The following ADAMTS17 variants were observed in gnomAD, a reference collection of about 807,000 sequenced individuals.
The protein encoded by ADAMTS17 is A disintegrin and metalloproteinase with thrombospondin motifs 17.
ADAMTS17 carries 113 observed loss-of-function variants against 141.5 expected under a neutral mutation model. The ratio of observed to expected loss-of-function variants is 0.80; its 90% CI spans 0.69 to 0.93. The LOEUF is 0.93. Among genes scored for constraint, ADAMTS17 ranks in the 40% least tolerant of loss-of-function variants. The pLI is 0.00. For missense variants in ADAMTS17, 1,659 were observed against 1,517.9 expected (o/e 1.09, Z -1.54); for synonymous variants, 768 against 630.6 (o/e 1.22, Z -3.27).
intron 7 of ADAMTS17, among the ~76,000 whole-genome samples, chr15:100,203,888 ACT>A (rs1418414671): frequency 1.3e-5 from 2 of 149,984 alleles, no homozygotes; most frequent in African/African-American, 2.5e-5. Flanking sequence ...ACAGACCAAG[ACT>A]CTGTCTCAAA....
chr15:100,001,832 G>A (rs894131320), intron 18 of ADAMTS17, among the ~76,000 whole-genome samples: 1 of 151,498 alleles, frequency 6.6e-6, no homozygotes, highest in South Asian at 2.1e-4. Context: ...AGCCCCCCGT[G>A]GTGGTGTGCA....
intron 3 of ADAMTS17, among the ~76,000 whole-genome samples, chr15:100,327,106 G>A (rs766046903): frequency 2.0e-5 from 3 of 152,066 alleles, no homozygotes; most frequent in Admixed American, 1.3e-4. Flanking sequence ...GAGCAGTAGG[G>A]TATAAATAAC....
At chr15:100,291,082 G>A (rs955030195) in intron 3 of ADAMTS17, among the ~76,000 whole-genome samples, 2 of 152,128 alleles carry the variant, frequency 1.3e-5, no homozygotes, top group Non-Finnish European at 2.9e-5. Context: ...CAGACTGAGA[G>A]GAAATATTTG....
chr15:100,298,802 G>A (rs936964246), intron 3 of ADAMTS17, among the ~76,000 whole-genome samples: 1 of 152,178 alleles, frequency 6.6e-6, no homozygotes, highest in African/African-American at 2.4e-5. Context: ...GGTTAATTTT[G>A]CATCACCCTT....
At chr15:100,103,672 G>C (rs759072900) in intron 14 of ADAMTS17, among the ~76,000 whole-genome samples, 13 of 151,956 alleles carry the variant, frequency 8.6e-5, no homozygotes, top group African/African-American at 3.1e-4. Flanking sequence ...TCCACTGCCC[G>C]GGTTCAAGCA....
chr15:99,974,021 T>G lies in ADAMTS17; in HGVS notation c.*381A>C, dbSNP rs2060267200. On this transcript the variant is annotated 3_prime_UTR_variant, in exon 22 of 22. Coordinates refer to ENST00000268070, the MANE Select transcript of ADAMTS17 (RefSeq NM_139057.4). ...AAGCCTTTTCTAGCATGTCTCGTTT[T>G]GGGGATGTTTCCTCCATGATATACC... is the stretch of plus-strand genomic sequence containing the variant. The G allele has an allele frequency of 4.0e-6, 1 of 251,890 alleles. No homozygotes were observed. Among genetic ancestry groups the G allele is most frequent in the Admixed American group, 5.8e-5 (1 of 17,110 alleles). The allele number at this position is 251,890 out of a possible 1,614,324, so 15.6% of individuals were successfully genotyped here.
chr15:99,976,486 C>T (rs1300961853), intron 20 of ADAMTS17: 7 of 594,252 alleles, frequency 1.2e-5, no homozygotes, highest in East Asian at 2.8e-5. Context: ...CAGGCACTTG[C>T]AATCATTCAG....
intron 3 of ADAMTS17, among the ~76,000 whole-genome samples, chr15:100,327,131 C>T (rs1360947352): frequency 1.3e-5 from 2 of 152,180 alleles, no homozygotes; most frequent in Non-Finnish European, 2.9e-5. Flanking sequence ...ACAAGCTTAG[C>T]GTTCCAATAA....
intron 18 of ADAMTS17, among the ~76,000 whole-genome samples, chr15:100,012,926 A>C (rs2061216887): frequency 6.6e-6 from 1 of 152,134 alleles, no homozygotes; most frequent in South Asian, 2.1e-4. Flanking sequence ...GTGAAGAATG[A>C]TAGCAGTATT....
At chr15:100,005,433 G>A (rs934254937) in intron 18 of ADAMTS17, among the ~76,000 whole-genome samples, 1 of 152,060 alleles carries the variant, frequency 6.6e-6, no homozygotes, top group African/African-American at 2.4e-5. Context: ...GCTCCATGCT[G>A]CCCCATTCCT....
intron 18 of ADAMTS17, among the ~76,000 whole-genome samples, chr15:100,042,742 G>A (rs570966832): frequency 3.3e-5 from 5 of 152,304 alleles, no homozygotes; most frequent in Non-Finnish European, 5.9e-5. Context: ...ACAAGGGGAT[G>A]ATTCACGTCC....
intron 15 of ADAMTS17, among the ~76,000 whole-genome samples, chr15:100,055,916 C>A (rs190849705): frequency 9.6e-4 from 147 of 152,340 alleles, no homozygotes; most frequent in Non-Finnish European, 1.8e-3. Flanking sequence ...AATCACAAAG[C>A]TATTCAGTTG....
chr15:100,112,683 A>G (rs1315124581), intron 13 of ADAMTS17, among the ~76,000 whole-genome samples: 2 of 152,162 alleles, frequency 1.3e-5, no homozygotes, highest in Non-Finnish European at 2.9e-5. Flanking sequence ...ACTTGAAGGA[A>G]GGAAGCTTGG....
At chr15:99,985,868 T>C (rs1276105193) in intron 20 of ADAMTS17, among the ~76,000 whole-genome samples, 1 of 152,166 alleles carries the variant, frequency 6.6e-6, no homozygotes, top group Non-Finnish European at 1.5e-5. Context: ...CCAATAAAAG[T>C]AGTCTTACCC....
At chr15:100,334,320 G>A (rs1056183969) in intron 2 of ADAMTS17, among the ~76,000 whole-genome samples, 1 of 152,234 alleles carries the variant, frequency 6.6e-6, no homozygotes, top group Non-Finnish European at 1.5e-5. Context: ...GCCTCTGTGG[G>A]AGGGGACAAA....
chr15:100,298,136 A>C (rs1033796636), intron 3 of ADAMTS17, among the ~76,000 whole-genome samples: 11 of 152,186 alleles, frequency 7.2e-5, no homozygotes, highest in Admixed American at 2.6e-4. Context: ...GAAATGGCGC[A>C]AACTTTGGAG....
intron 18 of ADAMTS17, among the ~76,000 whole-genome samples, chr15:100,019,622 C>T (rs185571152): frequency 2.6e-5 from 4 of 152,262 alleles, no homozygotes; most frequent in East Asian, 1.9e-4. Flanking sequence ...AATGTTGCCA[C>T]GCCGTTCATT....
rs776635367 is a variant in ADAMTS17 at position 100,152,776 on chromosome 15, G to A, written c.1323-14C>T. 1 of 1,613,966 alleles carries A rather than the reference G, an allele frequency of 6.2e-7. No individual in the cohort carries two copies. The highest frequency in any genetic ancestry group is 2.2e-5 in the East Asian group (1 of 44,894). On this transcript the variant is annotated splice_polypyrimidine_tract_variant and intron_variant, in intron 9 of 21. Coordinates refer to ENST00000268070, the MANE Select transcript of ADAMTS17 (RefSeq NM_139057.4). ...CTGACTTTTGACCTGAAACAGCCGA[G>A]AGGCAAGTTGACTTGCAAATGTACT...
chr15:100,193,175 T>C lies in ADAMTS17; in HGVS notation c.1181+6143A>G, dbSNP rs530539269. ...CTGCTGCTCGCTCTCCTGCCTCTTC[T>C]GGGTCCAGGCTTCTGCCCGGCCCAT... On this transcript the variant is annotated intron_variant, in intron 8 of 21. Coordinates refer to ENST00000268070, the MANE Select transcript of ADAMTS17 (RefSeq NM_139057.4). Among the ~76,000 whole-genome samples, 43 of 152,368 alleles carry C rather than the reference T, an allele frequency of 2.8e-4. No individual in the cohort carries two copies. The East Asian group carries it at 3.5e-3, about 12-fold the overall frequency.
Sources: allele counts gnomAD v4.1 joint callset (sites outside exome capture counted in the v4.1 genomes callset), GRCh38; gene constraint gnomAD v4.1.1; transcripts MANE v1.5; gene names NCBI Gene and HGNC (gene_info 2026-07-23, HGNC 2026-07-21).